The following COLEC12 variants were observed in gnomAD, a reference collection of about 807,000 sequenced individuals.
The protein encoded by COLEC12 is collectin-12.
COLEC12 carries 33 observed loss-of-function variants against 71.1 expected under a neutral mutation model. The ratio of observed to expected loss-of-function variants is 0.46; its 90% CI spans 0.35 to 0.62. The LOEUF is 0.62. Ranked by LOEUF, COLEC12 falls within the 20% of genes least tolerant of loss-of-function variation. The pLI is 0.00. For synonymous variants in COLEC12, 350 were observed against 353.0 expected (o/e 0.99, Z 0.10); for missense variants, 765 against 916.1 (o/e 0.84, Z 2.13).
intron 2 of COLEC12, among the ~76,000 whole-genome samples, chr18:433,052 T>C (rs912429092): frequency 6.6e-6 from 1 of 152,158 alleles, no homozygotes; most frequent in African/African-American, 2.4e-5. Flanking sequence ...ATACATTGGA[T>C]TACAGCAGAA....
At chr18:398,262 A>G (rs1915611674) in intron 2 of COLEC12, among the ~76,000 whole-genome samples, 1 of 152,174 alleles carries the variant, frequency 6.6e-6, no homozygotes, top group African/African-American at 2.4e-5. Context: ...TTGTCACCCC[A>G]TAGTAGGTTT....
In COLEC12 at chr18:319,311, A is replaced by C. The variant is rs1598322895; in HGVS notation, c.*734T>G. On this transcript the variant is annotated 3_prime_UTR_variant, in exon 10 of 10. Transcript: ENST00000400256. ...TCCAAGTGATTGGTTCCTCTGAGGA[A>C]ATGAAACATTAAAAAAAAAAAAAAA... 1 of 106,680 alleles carries C rather than the reference A, an allele frequency of 9.4e-6. No individual in the cohort carries two copies. The highest frequency in any genetic ancestry group is 2.4e-4 in the East Asian group (1 of 4,112). 6.6% of individuals were successfully genotyped at this position (106,680 alleles called of 1,614,324 possible). A position where few individuals can be genotyped will look rare whatever the true frequency, so the allele number is the denominator to read the frequency against.
At chr18:477,636 G>A (rs28522674) in intron 2 of COLEC12, among the ~76,000 whole-genome samples, 7,291 of 152,200 alleles carry the variant, frequency 0.048, 575 homozygotes, top group African/African-American at 0.17. Context: ...CCCAAATCTC[G>A]GGAGAGTGAT....
chr18:340,598 G>A (rs1215921524), intron 5 of COLEC12, among the ~76,000 whole-genome samples: 1 of 152,138 alleles, frequency 6.6e-6, no homozygotes, highest in African/African-American at 2.4e-5. Context: ...AACTCCCGGT[G>A]CTTAACAAAA....
At chr18:443,239 G>C (rs894883639) in intron 2 of COLEC12, among the ~76,000 whole-genome samples, 1 of 152,122 alleles carries the variant, frequency 6.6e-6, no homozygotes, top group East Asian at 1.9e-4. Context: ...CTAAAACATA[G>C]TATGTACTTG....
intron 8 of COLEC12, among the ~76,000 whole-genome samples, chr18:322,240 AG>A (rs1913725954): frequency 3.9e-5 from 6 of 152,172 alleles, no homozygotes; most frequent in Admixed American, 3.9e-4. Flanking sequence ...GTGAGAACCC[AG>A]AGGGACCTTG....
intron 2 of COLEC12, among the ~76,000 whole-genome samples, chr18:364,099 C>T (rs1914805413): frequency 1.3e-5 from 2 of 152,030 alleles, no homozygotes; most frequent in South Asian, 4.2e-4. Flanking sequence ...GTGCATTTAC[C>T]AAGGGTATAG....
At chr18:360,245 C>T (rs547951441) in intron 2 of COLEC12, among the ~76,000 whole-genome samples, 47 of 151,328 alleles carry the variant, frequency 3.1e-4, no homozygotes, top group African/African-American at 1.0e-3. Context: ...TGCAGTGGCA[C>T]GATCTCGGCT....
At chr18:443,121 C>CGGAATTATAT (rs370509570) in intron 2 of COLEC12, among the ~76,000 whole-genome samples, 99 of 152,270 alleles carry the variant, frequency 6.5e-4, no homozygotes, top group African/African-American at 2.3e-3. Context: ...TTAGTTAATA[C>CGGAATTATAT]GGAATTATAT....
chr18:393,472 T>C lies in COLEC12; in HGVS notation c.59-35950A>G, dbSNP rs76784462. On this transcript the variant is annotated intron_variant, in intron 2 of 9. Coordinates refer to ENST00000400256, the MANE Select transcript of COLEC12 (RefSeq NM_130386.3). ...CTAGGGAGCTCGGAGTCAAATCTTC[T>C]TCCCACCTCTAACAACTGTACATAA... Among the ~76,000 whole-genome samples, 1,020 of 152,206 alleles carry C rather than the reference T, an allele frequency of 6.7e-3. 5 individuals are homozygous for C. The highest frequency in any genetic ancestry group is 0.027 in the South Asian group (128 of 4,808).
intron 5 of COLEC12, among the ~76,000 whole-genome samples, chr18:344,534 C>T (rs577230592): frequency 6.6e-6 from 1 of 152,282 alleles, no homozygotes; most frequent in Non-Finnish European, 1.5e-5. Context: ...TTGAAAGGGG[C>T]TACTCAAAGT....
chr18:362,698 G>A lies in COLEC12; in HGVS notation c.59-5176C>T, dbSNP rs567956133. Among the ~76,000 whole-genome samples the A allele has an allele frequency of 1.2e-4, 18 of 152,174 alleles. No individual in the cohort carries two copies. Among genetic ancestry groups the A allele is most frequent in the East Asian group, 3.9e-4 (2 of 5,174 alleles). On this transcript the variant is annotated intron_variant, in intron 2 of 9. Transcript: ENST00000400256. The surrounding 1 kb of genome is among the most constrained non-coding windows in gnomAD (Gnocchi z 4.6). ...GCCCCTCACCATTAAGAGATCCAGC[G>A]TGCCAAAGAACCTGGCGCCAATAGC... is the stretch of plus-strand genomic sequence containing the variant.
chr18:417,637 T>C (rs185302833), intron 2 of COLEC12, among the ~76,000 whole-genome samples: 35 of 152,154 alleles, frequency 2.3e-4, no homozygotes, highest in African/African-American at 8.4e-4. Flanking sequence ...TCATGGGAAG[T>C]GGACACAGTA....
chr18:488,927 A>G (rs1360527292), intron 1 of COLEC12, among the ~76,000 whole-genome samples: 1 of 152,132 alleles, frequency 6.6e-6, no homozygotes, highest in Admixed American at 6.5e-5. Flanking sequence ...CAATGTTCAT[A>G]TAACAGGTGT....
chr18:396,101 G>C (rs1023216451), intron 2 of COLEC12, among the ~76,000 whole-genome samples: 6 of 152,124 alleles, frequency 3.9e-5, no homozygotes, highest in African/African-American at 1.4e-4. Flanking sequence ...TCAGCCTCTA[G>C]TGAGCTCTCC....
chr18:339,804 G>C (rs902104043), intron 5 of COLEC12, among the ~76,000 whole-genome samples: 1 of 152,058 alleles, frequency 6.6e-6, no homozygotes, highest in African/African-American at 2.4e-5. Context: ...AGACAGGCTA[G>C]AAATTTCCTG....
chr18:442,422 G>A (rs948689306), intron 2 of COLEC12, among the ~76,000 whole-genome samples: 3 of 152,186 alleles, frequency 2.0e-5, no homozygotes. Context: ...AGGCCCAAGG[G>A]AGAAAACCCA....
chr18:414,641 C>G (rs554236904), intron 2 of COLEC12, among the ~76,000 whole-genome samples: 2 of 152,082 alleles, frequency 1.3e-5, no homozygotes, highest in Non-Finnish European at 2.9e-5. Context: ...CAAAACCGAA[C>G]TCTTATGCAA....
At position 327,849 on chromosome 18, in the gene COLEC12, G is replaced by C. The variant is rs1447985444; in HGVS notation, c.2063+3819C>G. 1.3e-5 allele frequency among the ~76,000 whole-genome samples: 2 copies of C among 152,246 alleles called. No individual in the cohort carries two copies. The highest frequency in any genetic ancestry group is 4.8e-5 in the African/African-American group (2 of 41,474). Reference sequence around the variant, plus strand: ...CCATCGGCTTCTATTTTTTGGAAGAGTTTAAGAAGAACTGGTGCTAACTCT... The same window carrying C: ...CCATCGGCTTCTATTTTTTGGAAGACTTTAAGAAGAACTGGTGCTAACTCT... On this transcript the variant is annotated intron_variant, in intron 8 of 9. Coordinates refer to ENST00000400256, the MANE Select transcript of COLEC12 (RefSeq NM_130386.3). The surrounding 1 kb of genome is among the most constrained non-coding windows in gnomAD (Gnocchi z 4.0).
Sources: allele counts gnomAD v4.1 joint callset (sites outside exome capture counted in the v4.1 genomes callset), GRCh38; gene constraint gnomAD v4.1.1; non-coding constraint Gnocchi (gnomAD v3.1); transcripts MANE v1.5; gene names NCBI Gene and HGNC (gene_info 2026-07-23, HGNC 2026-07-21).